The following RYR3 variants were observed in gnomAD, a reference collection of about 807,000 sequenced individuals.
RYR3 encodes ryanodine receptor 3.
A neutral mutation model predicts 584.3 loss-of-function variants in RYR3; 207 were observed. The ratio of observed to expected loss-of-function variants is 0.35; its 90% CI spans 0.32 to 0.40. The LOEUF is 0.40. Ranked by LOEUF, RYR3 falls within the 10% of genes least tolerant of loss-of-function variation. The pLI is 1.00. For missense variants in RYR3, 5,616 were observed against 6,089.2 expected (o/e 0.92, Z 2.59); for synonymous variants, 2,416 against 2,248.5 (o/e 1.07, Z -2.11).
At chr15:33,772,347 T>A (rs867935928) in intron 63 of RYR3, among the ~76,000 whole-genome samples, 189 bp downstream of exon 63, 53 of 152,178 alleles carry the variant, frequency 3.5e-4, no homozygotes, top group African/African-American at 1.2e-3. Context: ...TGGAAAGAAA[T>A]TCCCTAATTT....
At chr15:33,851,704 C>A (rs2079127581) in intron 94 of RYR3, 2 of 152,268 alleles carry the variant, frequency 1.3e-5, no homozygotes, top group Non-Finnish European at 2.9e-5. Context: ...CTCGTGGAAT[C>A]TTCTGCTTAG....
chr15:33,559,031 T>G (rs781227224), intron 10 of RYR3, among the ~76,000 whole-genome samples: 1 of 152,134 alleles, frequency 6.6e-6, no homozygotes, highest in Non-Finnish European at 1.5e-5. Context: ...TGGGAGTTGC[T>G]ATTAGTTGTC....
Position 33,780,236 on chromosome 15 carries a change from C to A in RYR3, c.9163C>A (p.Leu3055Met). The change falls in exon 65 of 104, where the codon CTG becomes ATG. Residue 3055 changes from leucine to methionine, a missense_variant. Around this residue, in one of 9 missense-constraint regions of RYR3, gnomAD observed 954 missense variants for 1,132.2 expected, o/e 0.84. Transcript: ENST00000634891. ...GCAACGCCCTGCCCTTGGAGAATGTCTGGCCTCGCTGGCAGCTGCCATACC... is the reference window on the plus strand; with the variant it reads ...GCAACGCCCTGCCCTTGGAGAATGTATGGCCTCGCTGGCAGCTGCCATACC... ...ERQRPALGEC[L>M]ASLAAAIPVA... is the part of the protein sequence containing the mutation. 1 of 1,613,866 alleles carries A rather than the reference C, an allele frequency of 6.2e-7. No individual in the cohort carries two copies.
At chr15:33,458,505 C>A (rs1323220914) in intron 1 of RYR3, among the ~76,000 whole-genome samples, 2 of 152,148 alleles carry the variant, frequency 1.3e-5, no homozygotes, top group Non-Finnish European at 2.9e-5. Context: ...TTCTCATAAT[C>A]TGTGTGTATA....
chr15:33,508,827 T>C (rs2052709465), intron 3 of RYR3, among the ~76,000 whole-genome samples: 1 of 152,242 alleles, frequency 6.6e-6, no homozygotes, highest in South Asian at 2.1e-4. Context: ...TGATTTATTC[T>C]TGTCTTTACA....
At chr15:33,557,500 T>G (rs2057143844) in intron 10 of RYR3, among the ~76,000 whole-genome samples, 2 of 152,198 alleles carry the variant, frequency 1.3e-5, no homozygotes, top group Admixed American at 6.5e-5. Context: ...TTCTTCTGCC[T>G]CGGCTTCCTG....
At chr15:33,515,963 C>T (rs935575186) in intron 3 of RYR3, among the ~76,000 whole-genome samples, 6 of 152,160 alleles carry the variant, frequency 3.9e-5, no homozygotes, top group African/African-American at 1.2e-4. Context: ...AAACATATAT[C>T]CCTGTATAAA....
At chr15:33,455,923 T>G (rs1359317884) in intron 1 of RYR3, among the ~76,000 whole-genome samples, 1 of 152,184 alleles carries the variant, frequency 6.6e-6, no homozygotes, top group African/African-American at 2.4e-5. Context: ...ACTCTAAAAT[T>G]GGATAAATTG....
intron 93 of RYR3, among the ~76,000 whole-genome samples, chr15:33,846,648 C>A (rs1390630902): frequency 6.6e-6 from 1 of 152,184 alleles, no homozygotes; most frequent in Non-Finnish European, 1.5e-5. Context: ...AGTCCAGCTA[C>A]TGTGCTGCAG....
intron 32 of RYR3, among the ~76,000 whole-genome samples, chr15:33,657,433 A>G (rs1566889903): frequency 6.6e-6 from 1 of 152,224 alleles, no homozygotes; most frequent in African/African-American, 2.4e-5. Flanking sequence ...CCTCAGCCAC[A>G]GGAGCTCTGC....
At chr15:33,446,407 A>G (rs1306687712) in intron 1 of RYR3, among the ~76,000 whole-genome samples, 1 of 152,220 alleles carries the variant, frequency 6.6e-6, no homozygotes, top group Non-Finnish European at 1.5e-5. Context: ...AATAAAGTCC[A>G]TAGATTGGGT....
chr15:33,656,550 T>C (rs540829180), intron 32 of RYR3, among the ~76,000 whole-genome samples: 1 of 152,316 alleles, frequency 6.6e-6, no homozygotes, highest in South Asian at 2.1e-4. Context: ...ACACACATTA[T>C]TTCAGAGTTC....
chr15:33,838,412 G>C lies in RYR3; in HGVS notation c.12432G>C (p.Met4144Ile), dbSNP rs376714986. The change falls in exon 89 of 104, where the codon ATG (methionine) becomes ATC (isoleucine). Residue 4144 changes from methionine to isoleucine, a missense_variant. By Grantham distance (10) the Met-to-Ile change is conservative (BLOSUM62 1). Transcript: ENST00000634891. The stretch of plus-strand genomic sequence containing the variant: ...TTGAGCCGGCCTCTGCATTTGCTAT[G>C]GCCTGTGCCTCTGTGAAGAGGAATG... ...GSLEPASAFA[M>I]ACASVKRNVT... 2.0e-5 allele frequency: 32 copies of C among 1,613,870 alleles called. No homozygotes were observed. In the African/African-American group the frequency reaches 4.3e-4, roughly 22 times the overall value.
At position 33,439,616 on chromosome 15, in the gene RYR3, A is replaced by C. The variant is rs187785264; in HGVS notation, c.52-33803A>C. ...ATTTCCTATTTCTAATCTTTATTCA[A>C]AATGTTTGAAGACTAAATTGATTAC... On this transcript the variant is annotated intron_variant, in intron 1 of 103. Coordinates refer to ENST00000634891, the MANE Select transcript of RYR3 (RefSeq NM_001036.6). Among the ~76,000 whole-genome samples the C allele has an allele frequency of 2.0e-5, 3 of 152,318 alleles. No homozygotes were observed. The East Asian group carries it at 5.8e-4, about 29-fold the overall frequency.
chr15:33,672,145 T>C (rs2063885833), intron 38 of RYR3, among the ~76,000 whole-genome samples: 1 of 152,080 alleles, frequency 6.6e-6, no homozygotes, highest in Non-Finnish European at 1.5e-5. Context: ...AGAGAGTTTG[T>C]CATGGCTGGC....
At chr15:33,578,883 C>T (rs2058452324) in intron 12 of RYR3, among the ~76,000 whole-genome samples, 1 of 152,206 alleles carries the variant, frequency 6.6e-6, no homozygotes, top group South Asian at 2.1e-4. Flanking sequence ...TCCATTTCCC[C>T]TTCCTCTTCA....
intron 1 of RYR3, among the ~76,000 whole-genome samples, chr15:33,434,138 T>C (rs147538464): frequency 5.3e-5 from 8 of 152,348 alleles, no homozygotes; most frequent in South Asian, 2.1e-4. Context: ...TCTTCAAAAA[T>C]AGTTGATGAT....
At chr15:33,456,173 C>T (rs1027972165) in intron 1 of RYR3, among the ~76,000 whole-genome samples, 2 of 152,158 alleles carry the variant, frequency 1.3e-5, no homozygotes, top group African/African-American at 4.8e-5. Flanking sequence ...ATTCTCACTT[C>T]GCTGGATAAT....
chr15:33,701,130 C>A, intron 42 of RYR3, 50 bp downstream of exon 42: 3 of 1,241,898 alleles, frequency 2.4e-6, no homozygotes, highest in Non-Finnish European at 3.5e-6. Flanking sequence ...GCCTGTAGTG[C>A]AGCTAAGCTA....
Sources: allele counts gnomAD v4.1 joint callset (sites outside exome capture counted in the v4.1 genomes callset), GRCh38; gene constraint gnomAD v4.1.1; regional missense constraint gnomAD v4.1.1; transcripts MANE v1.5; gene names NCBI Gene and HGNC (gene_info 2026-07-23, HGNC 2026-07-21).